LGSN: variants seen among roughly 807,000 people sequenced by gnomAD.
The protein encoded by LGSN is lengsin.
In LGSN, 21 loss-of-function variants were observed where a neutral mutation model predicts 19.5. The observed-to-expected ratio is 1.07, with a 90% confidence interval of 0.76 to 1.55. The LOEUF (loss-of-function observed/expected upper bound fraction) is 1.55. Among genes scored for constraint, LGSN ranks in the 40% most tolerant of loss-of-function variants. The probability of loss-of-function intolerance (pLI) is 0.00; values close to 1 mark genes in which losing one functional copy is unlikely to be tolerated. For missense variants in LGSN, 673 were observed against 608.5 expected, an observed-to-expected ratio of 1.11 and a Z score of -1.12; for synonymous variants, 257 against 215.6, an observed-to-expected ratio of 1.19 and a Z score of -1.68.
chr6:63,345,117 AT>A, the LGSN span, among the ~76,000 whole-genome samples: 2 of 152,054 alleles, frequency 1.3e-5, no homozygotes, highest in Non-Finnish European at 2.9e-5. Flanking sequence ...ACAAAAAAAA[AT>A]AAATATTCCT....
the LGSN span, among the ~76,000 whole-genome samples, chr6:63,495,336 A>C: frequency 2.0e-5 from 3 of 152,186 alleles, no homozygotes; most frequent in South Asian, 2.1e-4. Context: ...TTTTCCTCTC[A>C]CAGTTAGCAA....
chr6:63,388,124 C>CT, the LGSN span, among the ~76,000 whole-genome samples: 18 of 151,804 alleles, frequency 1.2e-4, no homozygotes, highest in Admixed American at 3.3e-4. Flanking sequence ...GACCTACCTG[C>CT]TTTGGCCTCC....
At chr6:63,339,288 G>A in the LGSN span, among the ~76,000 whole-genome samples, 1 of 152,170 alleles carries the variant, frequency 6.6e-6, no homozygotes, top group African/African-American at 2.4e-5. Flanking sequence ...GTTCCTAACT[G>A]TAATTGTATT....
the LGSN span, among the ~76,000 whole-genome samples, chr6:63,509,624 A>T: frequency 6.6e-6 from 1 of 152,210 alleles, no homozygotes; most frequent in African/African-American, 2.4e-5. Flanking sequence ...AAATTTCGTT[A>T]TAAAGGATGA....
the LGSN span, among the ~76,000 whole-genome samples, chr6:63,548,072 A>C: frequency 1.3e-5 from 2 of 151,988 alleles, no homozygotes; most frequent in Non-Finnish European, 2.9e-5. Context: ...TCCAAAACCC[A>C]CTACTCATCC....
chr6:63,460,355 C>G, the LGSN span, among the ~76,000 whole-genome samples: 1 of 152,002 alleles, frequency 6.6e-6, no homozygotes, highest in East Asian at 1.9e-4. Context: ...AAACACACCA[C>G]AGTTTTCTGA....
the LGSN span, among the ~76,000 whole-genome samples, chr6:63,359,454 A>G: frequency 2.0e-5 from 3 of 152,154 alleles, no homozygotes; most frequent in East Asian, 1.9e-4. Flanking sequence ...CTGTGAATCC[A>G]TCTGGTCCTG....
chr6:63,508,860 A>C, the LGSN span, among the ~76,000 whole-genome samples: 2 of 149,620 alleles, frequency 1.3e-5, no homozygotes, highest in South Asian at 4.3e-4. Context: ...TGGAGGTTGC[A>C]GTGAGCCGAG....
chr6:63,410,593 T>C, the LGSN span, among the ~76,000 whole-genome samples: 2 of 152,170 alleles, frequency 1.3e-5, no homozygotes, highest in African/African-American at 4.8e-5. Flanking sequence ...TGGGCATTTA[T>C]TATGTGCTAG....
In LGSN at chr6:63,319,966, G is replaced by A. The variant is rs367975471; in HGVS notation, c.-23C>T. On this transcript the variant is annotated 5_prime_UTR_variant, in exon 1 of 4. The change creates a new upstream start codon in the 5' untranslated region. Coordinates refer to ENST00000370657, the MANE Select transcript of LGSN (RefSeq NM_016571.3). Reference sequence around the variant, plus strand: ...CATCTCAACACTTTTTAAGTTCAGCGTTAGAAACCACAATATCCTCAACAA... The same window carrying A: ...CATCTCAACACTTTTTAAGTTCAGCATTAGAAACCACAATATCCTCAACAA... 681 of 1,587,704 alleles carry A rather than the reference G, an allele frequency of 4.3e-4. 11 individuals are homozygous for A. The South Asian group carries it at 4.8e-3, about 11-fold the overall frequency.
chr6:63,359,287 A>T, the LGSN span, among the ~76,000 whole-genome samples: 14 of 152,154 alleles, frequency 9.2e-5, no homozygotes, highest in African/African-American at 3.1e-4. Flanking sequence ...TATTGGTCTA[A>T]AATTCTCTTT....
the LGSN span, among the ~76,000 whole-genome samples, chr6:63,444,353 T>C: frequency 6.6e-6 from 1 of 152,234 alleles, no homozygotes; most frequent in Non-Finnish European, 1.5e-5. Context: ...CCACTACACA[T>C]TAATGATGTA....
chr6:63,361,420 T>A, the LGSN span, among the ~76,000 whole-genome samples: 5 of 152,308 alleles, frequency 3.3e-5, no homozygotes, highest in East Asian at 5.8e-4. Context: ...GTGTTGGTGA[T>A]GAGCAAGGCT....
chr6:63,322,089 C>A (rs893607549), upstream of LGSN, among the ~76,000 whole-genome samples: 1 of 152,120 alleles, frequency 6.6e-6, no homozygotes, highest in African/African-American at 2.4e-5. Flanking sequence ...CAAGGGGAAA[C>A]AATATGTTGT....
At chr6:63,354,615 C>G in the LGSN span, among the ~76,000 whole-genome samples, 1 of 152,000 alleles carries the variant, frequency 6.6e-6, no homozygotes, top group Non-Finnish European at 1.5e-5. Context: ...ATAGAAATAC[C>G]ATATGATCTA....
the LGSN span, among the ~76,000 whole-genome samples, chr6:63,490,627 A>G: frequency 6.6e-6 from 1 of 151,170 alleles, no homozygotes; most frequent in African/African-American, 2.4e-5. Flanking sequence ...CCCAGGCTGG[A>G]GTGTAGTGGT....
At chr6:63,424,848 G>A in the LGSN span, among the ~76,000 whole-genome samples, 1 of 151,976 alleles carries the variant, frequency 6.6e-6, no homozygotes, top group African/African-American at 2.4e-5. Context: ...GGAGTTCAAG[G>A]CTGCAGTGAG....
chr6:63,560,374 G>C, the LGSN span, among the ~76,000 whole-genome samples: 1 of 145,242 alleles, frequency 6.9e-6, no homozygotes, highest in African/African-American at 2.5e-5. Flanking sequence ...AAGAAAAGAA[G>C]TGAAAAGTAA....
the LGSN span, among the ~76,000 whole-genome samples, chr6:63,446,205 G>T: frequency 6.9e-6 from 1 of 144,922 alleles, no homozygotes; most frequent in Non-Finnish European, 1.5e-5. Flanking sequence ...AGCAGAGATC[G>T]GCCACTGCAC....
Sources: gnomAD v4.1 joint callset for allele counts (sites outside exome capture counted in the v4.1 genomes callset) on GRCh38, gnomAD v4.1.1 for gene constraint, MANE v1.5 for transcripts, NCBI Gene and HGNC (gene_info 2026-07-23, HGNC 2026-07-21) for gene names.